Variants in CSMD1 observed in about 807,000 individuals in gnomAD.
CSMD1 encodes CUB and Sushi multiple domains 1.
CSMD1 carries 213 observed loss-of-function variants against 417.5 expected under a neutral mutation model. That is an observed-to-expected ratio of 0.51 (90% CI 0.46 to 0.57). The LOEUF is 0.57. Ranked by LOEUF, CSMD1 falls within the 20% of genes least tolerant of loss-of-function variation. The probability of loss-of-function intolerance (pLI) is 0.00; values close to 1 mark genes in which losing one functional copy is unlikely to be tolerated. For missense variants in CSMD1, 6,923 were observed against 4,529.7 expected (o/e 1.53, Z -15.17); for synonymous variants, 2,862 against 1,736.8 (o/e 1.65, Z -16.11).
chr8:4,289,465 A>C (rs949607024), intron 3 of CSMD1, among the ~76,000 whole-genome samples: 1 of 152,182 alleles, frequency 6.6e-6, no homozygotes, highest in Non-Finnish European at 1.5e-5. Flanking sequence ...CATCAAGTCC[A>C]GTAGTAGCCA....
chr8:4,172,505 G>A (rs1295298319), intron 3 of CSMD1, among the ~76,000 whole-genome samples: 1 of 151,970 alleles, frequency 6.6e-6, no homozygotes, highest in Non-Finnish European at 1.5e-5. Context: ...AAAAACTGAA[G>A]GATCAACAAT....
chr8:3,307,901 C>T, intron 24 of CSMD1, 80 bp from the exon 25 acceptor site: 3 of 1,479,962 alleles, frequency 2.0e-6, no homozygotes, highest in Admixed American at 2.0e-5. Flanking sequence ...AAAACCAAAG[C>T]CATTATGTCT....
chr8:3,270,046 C>CT (rs200994813), intron 26 of CSMD1, among the ~76,000 whole-genome samples: 1,524 of 118,286 alleles, frequency 0.013, 56 homozygotes, highest in African/African-American at 0.037. Context: ...CTAACCTCTT[C>CT]TTTTTTTTTT....
At chr8:4,253,941 G>T (rs7008258) in intron 3 of CSMD1, among the ~76,000 whole-genome samples, 12,296 of 126,112 alleles carry the variant, frequency 0.098, 782 homozygotes, top group East Asian at 0.19. Flanking sequence ...TTTTGAGATG[G>T]AGTCTTGCTC....
At chr8:4,611,906 C>G (rs1801194847) in intron 2 of CSMD1, among the ~76,000 whole-genome samples, 1 of 152,156 alleles carries the variant, frequency 6.6e-6, no homozygotes, top group Non-Finnish European at 1.5e-5. Context: ...CAATCAGTGA[C>G]AAATTCTACA....
At chr8:4,913,125 C>A (rs1466239900) in intron 1 of CSMD1, among the ~76,000 whole-genome samples, 1 of 152,136 alleles carries the variant, frequency 6.6e-6, no homozygotes, top group Non-Finnish European at 1.5e-5. Context: ...TGAGGGATCA[C>A]AGATCAAAGC....
At chr8:3,894,837 T>G (rs942939372) in intron 5 of CSMD1, among the ~76,000 whole-genome samples, 1 of 152,226 alleles carries the variant, frequency 6.6e-6, no homozygotes, top group African/African-American at 2.4e-5. Flanking sequence ...AAGGGTTTGC[T>G]CTGGCTCTAT....
intron 54 of CSMD1, 57 bp downstream of exon 54, chr8:2,997,954 C>G: frequency 6.6e-7 from 1 of 1,519,848 alleles, no homozygotes; most frequent in East Asian, 2.3e-5. Flanking sequence ...GATGGTGTTA[C>G]TGGGCAGCCT....
intron 4 of CSMD1, among the ~76,000 whole-genome samples, chr8:4,007,934 G>C (rs553149018): frequency 6.6e-6 from 1 of 152,126 alleles, no homozygotes; most frequent in Non-Finnish European, 1.5e-5. Flanking sequence ...ACTGCCTCAA[G>C]AACTCTTAAT....
intron 1 of CSMD1, among the ~76,000 whole-genome samples, chr8:4,867,630 T>C (rs1338905837): frequency 2.0e-5 from 3 of 152,082 alleles, no homozygotes; most frequent in Admixed American, 6.5e-5. Flanking sequence ...AACTTTATTA[T>C]GTCGCAATGC....
At chr8:4,150,862 A>G (rs1264275689) in intron 3 of CSMD1, among the ~76,000 whole-genome samples, 1 of 142,158 alleles carries the variant, frequency 7.0e-6, no homozygotes, top group Non-Finnish European at 1.5e-5. Context: ...GATTATAAAT[A>G]TAAAAAAATG....
At chr8:4,719,619 C>T (rs972113746) in intron 1 of CSMD1, among the ~76,000 whole-genome samples, 31 of 142,398 alleles carry the variant, frequency 2.2e-4, no homozygotes, top group Non-Finnish European at 1.1e-4. Flanking sequence ...TCAATAAAAA[C>T]TTGAATCCTT....
chr8:3,466,047 ACAT>A (rs1816775400), intron 12 of CSMD1, among the ~76,000 whole-genome samples: 1 of 152,164 alleles, frequency 6.6e-6, no homozygotes, highest in South Asian at 2.1e-4. Context: ...TATAATGAAA[ACAT>A]CATGTTTGTA....
chr8:4,564,227 G>A (rs1446301678), intron 2 of CSMD1, among the ~76,000 whole-genome samples: 1 of 152,070 alleles, frequency 6.6e-6, no homozygotes, highest in Non-Finnish European at 1.5e-5. Context: ...ACATGCACAA[G>A]GAAAACAAGC....
At chr8:3,544,771 G>C (rs565215488) in intron 10 of CSMD1, among the ~76,000 whole-genome samples, 1 of 152,206 alleles carries the variant, frequency 6.6e-6, no homozygotes, top group East Asian at 1.9e-4. Flanking sequence ...CCAAATCTTA[G>C]AAATGTTGTT....
At chr8:4,752,090 T>C (rs951642232) in intron 1 of CSMD1, among the ~76,000 whole-genome samples, 4 of 152,150 alleles carry the variant, frequency 2.6e-5, no homozygotes, top group Non-Finnish European at 4.4e-5. Flanking sequence ...TGTCTGTGTG[T>C]GTGTACATGT....
At chr8:3,819,372 C>T (rs1197246071) in intron 5 of CSMD1, among the ~76,000 whole-genome samples, 1 of 152,080 alleles carries the variant, frequency 6.6e-6, no homozygotes, top group Non-Finnish European at 1.5e-5. Context: ...TATAGCTACC[C>T]TCTTTGTTTT....
At chr8:2,952,941 C>T (rs1802739177) in intron 65 of CSMD1, among the ~76,000 whole-genome samples, 1 of 152,070 alleles carries the variant, frequency 6.6e-6, no homozygotes, top group Non-Finnish European at 1.5e-5. Context: ...ATGCAGCAGC[C>T]ACATAGCTGA....
At chr8:3,556,552 CCT>C (rs9314500) in intron 10 of CSMD1, among the ~76,000 whole-genome samples, 1 of 139,738 alleles carries the variant, frequency 7.2e-6, no homozygotes, top group Non-Finnish European at 1.5e-5. Flanking sequence ...ACACACACAC[CCT>C]CTCTCTCTTT....
Sources: allele counts gnomAD v4.1 joint callset (sites outside exome capture counted in the v4.1 genomes callset), GRCh38; gene constraint gnomAD v4.1.1; transcripts MANE v1.5; gene names NCBI Gene and HGNC (gene_info 2026-07-23, HGNC 2026-07-21).